The following DNAH17 variants were observed in gnomAD, a reference collection of about 807,000 sequenced individuals.
DNAH17 encodes the protein dynein axonemal heavy chain 17.
A neutral mutation model predicts 485.6 loss-of-function variants in DNAH17; 376 were observed. That is an observed-to-expected ratio of 0.77 (90% CI 0.71 to 0.84). The LOEUF (loss-of-function observed/expected upper bound fraction) is 0.84. Among genes scored for constraint, DNAH17 ranks in the 40% least tolerant of loss-of-function variants. The pLI is 0.00. For synonymous variants in DNAH17, 3,031 were observed against 2,405.9 expected (o/e 1.26, Z -7.60); for missense variants, 6,370 against 5,839.3 (o/e 1.09, Z -2.96).
intron 63 of DNAH17, 96 bp downstream of exon 63, chr17:78,455,548 A>G: frequency 2.2e-6 from 2 of 913,742 alleles, no homozygotes; most frequent in Non-Finnish European, 3.1e-6. Context: ...GCTGCTCATG[A>G]ACTCCTGGCC....
intron 14 of DNAH17, among the ~76,000 whole-genome samples, chr17:78,557,046 G>A (rs1389893509): frequency 6.6e-6 from 1 of 152,052 alleles, no homozygotes; most frequent in Non-Finnish European, 1.5e-5. Flanking sequence ...AACAATTACT[G>A]GGAAGTTTTT....
rs1278706321 is a variant in DNAH17 at position 78,536,060 on chromosome 17, T to G, written c.2859+1239A>C. Among the ~76,000 whole-genome samples, 6 of 152,278 alleles carry G rather than the reference T, an allele frequency of 3.9e-5. No individual in the cohort carries two copies. In the East Asian group the frequency reaches 1.2e-3, roughly 29 times the overall value. On this transcript the variant is annotated intron_variant, in intron 19 of 80. Coordinates refer to ENST00000389840, the MANE Select transcript of DNAH17 (RefSeq NM_173628.4). ...GGCCAGGCTCTCCGTGTGTCTTGTT[T>G]GATGCGTTTAGACGAGATGATTTCA...
At chr17:78,449,055 T>C (rs1024699541) in intron 69 of DNAH17, among the ~76,000 whole-genome samples, 2 of 152,218 alleles carry the variant, frequency 1.3e-5, no homozygotes, top group African/African-American at 4.8e-5. Flanking sequence ...CATACACTTA[T>C]TTCTTAAGAA....
At position 78,428,421 on chromosome 17, in the gene DNAH17, C is replaced by G. The variant is rs691674; in HGVS notation, c.12588+104G>C. On this transcript the variant is annotated intron_variant, in intron 77 of 80. Transcript: ENST00000389840. Reference sequence around the variant, plus strand: ...AGCCCAAGGCTGGGGCAGAGTGTACCTCACCAGCAAGTTCCCCTGTACTGC... The same window carrying G: ...AGCCCAAGGCTGGGGCAGAGTGTACGTCACCAGCAAGTTCCCCTGTACTGC... 0.16 allele frequency: 228,017 copies of G among 1,385,988 alleles called. 19,795 individuals are homozygous for G. Among genetic ancestry groups the G allele is most frequent in the Middle Eastern group, 0.2 (1,160 of 5,694 alleles). 85.9% of individuals were successfully genotyped at this position (1,385,988 alleles called of 1,614,324 possible). A position where few individuals can be genotyped will look rare whatever the true frequency, so the allele number is the denominator to read the frequency against.
intron 17 of DNAH17, among the ~76,000 whole-genome samples, chr17:78,542,927 T>A (rs968493692): frequency 1.3e-5 from 2 of 152,184 alleles, no homozygotes; most frequent in Non-Finnish European, 2.9e-5. Flanking sequence ...CGGCAGCTCA[T>A]CCTGGGAAGA....
At chr17:78,460,140 C>T in intron 59 of DNAH17, 22 bp downstream of exon 59, 2 of 1,590,602 alleles carry the variant, frequency 1.3e-6, no homozygotes, top group Non-Finnish European at 1.7e-6. Context: ...CAGGGGTCCC[C>T]TTTCTTTCCC....
intron 42 of DNAH17, 22 bp from the exon 43 acceptor site, chr17:78,491,592 ACC>A: frequency 6.2e-7 from 1 of 1,610,638 alleles, no homozygotes; most frequent in Non-Finnish European, 8.5e-7. Flanking sequence ...GCGTGGTATG[ACC>A]CCGGGCCCTT....
intron 71 of DNAH17, among the ~76,000 whole-genome samples, chr17:78,444,044 T>C (rs769759765): frequency 1.3e-5 from 2 of 152,178 alleles, no homozygotes; most frequent in Non-Finnish European, 2.9e-5. Flanking sequence ...CTGGAGAAAT[T>C]GTTGGTGAAA....
chr17:78,572,456 T>G (rs1173873307), intron 3 of DNAH17, among the ~76,000 whole-genome samples: 1 of 151,984 alleles, frequency 6.6e-6, no homozygotes, highest in Non-Finnish European at 1.5e-5. Flanking sequence ...GCGGGGGGTG[T>G]GGGGTGCAGG....
At chr17:78,565,732 T>C (rs2092253202) in intron 11 of DNAH17, among the ~76,000 whole-genome samples, 1 of 152,136 alleles carries the variant, frequency 6.6e-6, no homozygotes, top group Admixed American at 6.5e-5. Flanking sequence ...GGTGGGCGGA[T>C]CACCTGAGGT....
intron 20 of DNAH17, 57 bp from the exon 21 acceptor site, chr17:78,530,569 A>C (rs2091205921): frequency 5.7e-5 from 89 of 1,555,250 alleles, no homozygotes; most frequent in Non-Finnish European, 7.6e-5. Flanking sequence ...GGGGGGCGTC[A>C]GCACAGGGCC....
At chr17:78,535,126 G>A (rs1158649483) in intron 19 of DNAH17, among the ~76,000 whole-genome samples, 3 of 152,216 alleles carry the variant, frequency 2.0e-5, no homozygotes, top group Non-Finnish European at 2.9e-5. Context: ...GGCAGCCTGA[G>A]TGTTTGTGCT....
At chr17:78,532,299 C>T (rs917560997) in intron 20 of DNAH17, among the ~76,000 whole-genome samples, 183 bp downstream of exon 20, 1 of 152,176 alleles carries the variant, frequency 6.6e-6, no homozygotes, top group Non-Finnish European at 1.5e-5. Context: ...GTGCTATGCC[C>T]CCTTCTTGGG....
Position 78,441,117 on chromosome 17 carries a change from G to GGCT in DNAH17, c.11608_11610dup (p.Ser3870dup). 3.1e-6 allele frequency: 5 copies of GGCT among 1,613,874 alleles called. No homozygotes were observed. Among genetic ancestry groups the GGCT allele is most frequent in the Non-Finnish European group, 4.2e-6 (5 of 1,179,872 alleles). On this transcript the variant is annotated inframe_insertion, in exon 72 of 81. Transcript: ENST00000389840. ...AGGATGAAGAAGATTGACGTGGAGG[G>GGCT]GCTGCTCTCCTCGTAGGACTTAGAA...
chr17:78,563,132 G>A lies in DNAH17; in HGVS notation c.1570-1152C>T, dbSNP rs79866230. 2.2e-4 allele frequency among the ~76,000 whole-genome samples: 34 copies of A among 152,322 alleles called. No homozygotes were observed. In the East Asian group the frequency reaches 5.8e-3, roughly 26 times the overall value. ...CCCCAAGAGTACAGATTTCCCAAAT[G>A]CAAGATTGCGGCTATTTTTAAGTTA... On this transcript the variant is annotated intron_variant, in intron 11 of 80. Coordinates refer to ENST00000389840, the MANE Select transcript of DNAH17 (RefSeq NM_173628.4).
intron 25 of DNAH17, chr17:78,522,355 G>A (rs1218400559): frequency 3.5e-6 from 1 of 282,678 alleles, no homozygotes; most frequent in South Asian, 3.5e-5. Flanking sequence ...TCCTGAGCAA[G>A]AAATTAAAAT....
chr17:78,515,158 G>C (rs576851518), intron 25 of DNAH17, 136 bp from the exon 26 acceptor site: 5 of 1,032,238 alleles, frequency 4.8e-6, no homozygotes, highest in African/African-American at 1.6e-5. Flanking sequence ...CCCGAGATCA[G>C]TAAAGTGATT....
At chr17:78,547,814 C>T (rs574141028) in intron 16 of DNAH17, among the ~76,000 whole-genome samples, 74 of 152,244 alleles carry the variant, frequency 4.9e-4, no homozygotes, top group African/African-American at 1.8e-3. Context: ...GACAGGGTTT[C>T]GCCATGTGGG....
intron 79 of DNAH17, 21 bp downstream of exon 79, chr17:78,426,436 C>T: frequency 6.3e-7 from 1 of 1,576,648 alleles, no homozygotes; most frequent in East Asian, 2.3e-5. Context: ...TAGGAAGCCT[C>T]TCAGAGAAAA....
Sources: gnomAD v4.1 joint callset for allele counts (sites outside exome capture counted in the v4.1 genomes callset) on GRCh38, gnomAD v4.1.1 for gene constraint, MANE v1.5 for transcripts, NCBI Gene and HGNC (gene_info 2026-07-23, HGNC 2026-07-21) for gene names.